CCDC88A: variants seen among roughly 807,000 people sequenced by gnomAD.
CCDC88A encodes the protein coiled-coil and HOOK domain protein 88A, also known as girdin.
In CCDC88A, 54 loss-of-function variants were observed where a neutral mutation model predicts 234.3. The observed-to-expected ratio is 0.23, with a 90% confidence interval of 0.19 to 0.29. The LOEUF (loss-of-function observed/expected upper bound fraction) is 0.29, where lower values mean the gene tolerates loss of function less well. Ranked by LOEUF, CCDC88A falls within the 10% of genes least tolerant of loss-of-function variation. The pLI is 1.00. For missense variants in CCDC88A, 1,832 were observed against 2,123.4 expected (o/e 0.86, Z 2.70); for synonymous variants, 753 against 737.8 (o/e 1.02, Z -0.33).
Position 55,376,889 on chromosome 2 carries a change from T to C in CCDC88A, c.274-2006A>G, listed in dbSNP as rs544013585. 3.3e-5 allele frequency among the ~76,000 whole-genome samples: 5 copies of C among 152,338 alleles called. No homozygotes were observed. The South Asian group carries it at 1.0e-3, about 32-fold the overall frequency. On this transcript the variant is annotated intron_variant, in intron 3 of 32. Transcript: ENST00000436346. ...CTCTGTCACCCAGGCTGGAGTGCAGTGGCGCGATCTTGGCTTACTGCAACC... is the reference window on the plus strand; with the variant it reads ...CTCTGTCACCCAGGCTGGAGTGCAGCGGCGCGATCTTGGCTTACTGCAACC...
rs893919016 is a variant in CCDC88A at position 55,380,492 on chromosome 2, T to C, written c.274-5609A>G. Among the ~76,000 whole-genome samples the C allele has an allele frequency of 2.6e-5, 4 of 152,178 alleles. No homozygotes were observed. In the East Asian group the frequency reaches 5.8e-4, roughly 22 times the overall value. ...AAAAAGAAAGAACTGGCAGAGATTA[T>C]GGTAATAGGAAAATAATAAGCAGAT... On this transcript the variant is annotated intron_variant, in intron 3 of 32. Coordinates refer to ENST00000436346, the MANE Select transcript of CCDC88A (RefSeq NM_001365480.1).
rs374360965 is a variant in CCDC88A, at chr2:55,295,075, C to G, written c.5551+522G>C. Reference sequence around the variant, plus strand: ...TTGTGCAGTTTTGATCATATACAACCATATTCATACCAAACAGTTTGATTA... The same window carrying G: ...TTGTGCAGTTTTGATCATATACAACGATATTCATACCAAACAGTTTGATTA... On this transcript the variant is annotated intron_variant, in intron 31 of 32. Transcript: ENST00000436346. The G allele has an allele frequency of 3.0e-5, 39 of 1,298,342 alleles. No homozygotes were observed. In the East Asian group the frequency reaches 9.4e-4, roughly 31 times the overall value. 80.4% of individuals were successfully genotyped at this position (1,298,342 alleles called of 1,614,324 possible). A position where few individuals can be genotyped will look rare whatever the true frequency, so the allele number is the denominator to read the frequency against.
At chr2:55,380,684 C>G (rs1674445389) in intron 3 of CCDC88A, among the ~76,000 whole-genome samples, 2 of 152,134 alleles carry the variant, frequency 1.3e-5, no homozygotes, top group South Asian at 4.1e-4. Flanking sequence ...AGCATGATCT[C>G]GACTCATTGC....
At chr2:55,368,927 T>C (rs1672404821) in intron 5 of CCDC88A, among the ~76,000 whole-genome samples, 1 of 152,258 alleles carries the variant, frequency 6.6e-6, no homozygotes, top group Non-Finnish European at 1.5e-5. Context: ...GGCTATTAAG[T>C]ATCAACAAAG....
chr2:55,363,907 C>T (rs759106468), intron 6 of CCDC88A, 43 bp downstream of exon 6: 7 of 1,079,826 alleles, frequency 6.5e-6, no homozygotes, highest in Non-Finnish European at 9.7e-6. Context: ...AAACACACCA[C>T]AAGCTTCATA....
intron 3 of CCDC88A, among the ~76,000 whole-genome samples, chr2:55,388,060 G>A (rs770510360): frequency 4.6e-5 from 7 of 152,014 alleles, no homozygotes; most frequent in African/African-American, 1.7e-4. Flanking sequence ...CTCACTCTGC[G>A]CCCAAACAAT....
At chr2:55,355,058 A>G (rs1329136980) in intron 8 of CCDC88A, among the ~76,000 whole-genome samples, 1 of 151,100 alleles carries the variant, frequency 6.6e-6, no homozygotes, top group Non-Finnish European at 1.5e-5. Flanking sequence ...TTGTTAACTG[A>G]AATGTCGTTA....
At chr2:55,351,607 A>C (rs1390061712) in intron 8 of CCDC88A, among the ~76,000 whole-genome samples, 1 of 152,162 alleles carries the variant, frequency 6.6e-6, no homozygotes, top group Non-Finnish European at 1.5e-5. Flanking sequence ...CAGCCTCCCA[A>C]AGTGCTGGAA....
At chr2:55,293,024 G>GTTA (rs1558611800) in intron 31 of CCDC88A, 36 of 151,006 alleles carry the variant, frequency 2.4e-4, no homozygotes, top group African/African-American at 8.0e-4. Flanking sequence ...TTTTTTTTTG[G>GTTA]AAACATGCTG....
In CCDC88A at chr2:55,328,865, T is replaced by G. The variant is rs1574128613; in HGVS notation, c.2856-430A>C. 1 of 154,068 alleles carries G rather than the reference T, an allele frequency of 6.5e-6. No individual in the cohort carries two copies. Among genetic ancestry groups the G allele is most frequent in the Non-Finnish European group, 1.4e-5 (1 of 69,436 alleles). 9.5% of individuals were successfully genotyped at this position (154,068 alleles called of 1,614,324 possible). ...GGCTCACCGCAACCTCCGCTTCCCG[T>G]GTTCAAGCGATTCTCCTGCCTCAGC... On this transcript the variant is annotated intron_variant, in intron 16 of 32. Transcript: ENST00000436346. The surrounding 1 kb of genome is among the most constrained non-coding windows in gnomAD (Gnocchi z 4.3).
At position 55,335,791 on chromosome 2, in the gene CCDC88A, A is replaced by G. The variant is rs978513603; in HGVS notation, c.1657-627T>C. Among the ~76,000 whole-genome samples, 1 of 152,192 alleles carries G rather than the reference A, an allele frequency of 6.6e-6. No homozygotes were observed. Among genetic ancestry groups the G allele is most frequent in the Non-Finnish European group, 1.5e-5 (1 of 68,024 alleles). ...TCTCAACAAGCTTGGAAAAATGAAGATTGAAGCTTAGTCTAGAATTTTGGT... is the reference window on the plus strand; with the variant it reads ...TCTCAACAAGCTTGGAAAAATGAAGGTTGAAGCTTAGTCTAGAATTTTGGT... On this transcript the variant is annotated intron_variant, in intron 14 of 32. Coordinates refer to ENST00000436346, the MANE Select transcript of CCDC88A (RefSeq NM_001365480.1). The surrounding 1 kb of genome is among the most constrained non-coding windows in gnomAD (Gnocchi z 4.5).
At chr2:55,393,785 G>T (rs1476158633) in intron 2 of CCDC88A, among the ~76,000 whole-genome samples, 1 of 152,016 alleles carries the variant, frequency 6.6e-6, no homozygotes, top group Non-Finnish European at 1.5e-5. Context: ...AATAGAAATG[G>T]AGACAGCAGA....
chr2:55,373,320 T>G (rs1236184607), intron 4 of CCDC88A, among the ~76,000 whole-genome samples: 1 of 152,128 alleles, frequency 6.6e-6, no homozygotes, highest in African/African-American at 2.4e-5. Context: ...TCCTCTGCCT[T>G]AATACTACTC....
At chr2:55,356,683 A>G (rs1266277549) in intron 7 of CCDC88A, 2 of 152,216 alleles carry the variant, frequency 1.3e-5, no homozygotes, top group Non-Finnish European at 2.9e-5. Context: ...TAATCCCAGC[A>G]CTTAGGGAGG....
intron 7 of CCDC88A, among the ~76,000 whole-genome samples, chr2:55,361,670 TG>T (rs1482016231): frequency 2.6e-5 from 4 of 152,206 alleles, no homozygotes; most frequent in Non-Finnish European, 4.4e-5. Flanking sequence ...TACTTTGCTC[TG>T]CTATTAAGAA....
chr2:55,302,573 CACTT>C (rs138786504), intron 26 of CCDC88A: 5,137 of 162,186 alleles, frequency 0.032, 117 homozygotes, highest in Non-Finnish European at 0.047. Flanking sequence ...AAGTGACAGA[CACTT>C]AATGTGATTA....
rs752750237 is a variant in CCDC88A, at chr2:55,317,323, C to T, written c.3629G>A (p.Gly1210Glu). The change falls in exon 21 of 33, where the codon GGA becomes GAA. Residue 1210 changes from glycine to glutamate, a missense_variant. Physicochemically the swap from Gly to Glu is moderately conservative, Grantham distance 98. This residue lies in a region of CCDC88A where 1,282 missense variants were observed against 1,543.6 expected (regional missense o/e 0.83). Coordinates refer to ENST00000436346, the MANE Select transcript of CCDC88A (RefSeq NM_001365480.1). The surrounding 1 kb of genome is among the most constrained non-coding windows in gnomAD (Gnocchi z 4.2). ...DRYNQLLKQK[G>E]QLEDLEKMLK... ...CATTTTTTCCAAATCTTCCAACTGT[C>T]CTTTCTGTTTTAATAACTGATTGTA... 2.0e-6 allele frequency: 3 copies of T among 1,527,550 alleles called. No homozygotes were observed. The highest frequency in any genetic ancestry group is 2.6e-6 in the Non-Finnish European group (3 of 1,133,918). 94.6% of individuals were successfully genotyped at this position (1,527,550 alleles called of 1,614,324 possible).
rs557614469 is a variant in CCDC88A at position 55,363,876 on chromosome 2, T to C, written c.486+74A>G. On this transcript the variant is annotated intron_variant, in intron 6 of 32. Transcript: ENST00000436346. ...TCTTGCTTATTCTATGACTTTGAAG[T>C]ATTTTAGGAGATAGACAAATAAACA... is the stretch of plus-strand genomic sequence containing the variant. 7 of 727,460 alleles carry C rather than the reference T, an allele frequency of 9.6e-6. No individual in the cohort carries two copies. In the East Asian group the frequency reaches 1.4e-4, roughly 14 times the overall value. 45.1% of individuals were successfully genotyped at this position (727,460 alleles called of 1,614,324 possible). A position where few individuals can be genotyped will look rare whatever the true frequency, so the allele number is the denominator to read the frequency against.
chr2:55,302,136 G>A (rs1680970428), intron 26 of CCDC88A, 64 bp from the exon 27 acceptor site: 1 of 1,325,934 alleles, frequency 7.5e-7, no homozygotes, highest in East Asian at 2.3e-5. Flanking sequence ...TTTCTATTTT[G>A]TAGTACAAAT....
Sources: allele counts gnomAD v4.1 joint callset (sites outside exome capture counted in the v4.1 genomes callset), GRCh38; gene constraint gnomAD v4.1.1; regional missense constraint gnomAD v4.1.1; non-coding constraint Gnocchi (gnomAD v3.1); transcripts MANE v1.5; gene names NCBI Gene and HGNC (gene_info 2026-07-23, HGNC 2026-07-21).